The following RASSF5 variants were observed in gnomAD, a reference collection of about 807,000 sequenced individuals.
RASSF5 encodes the protein ras association domain-containing protein 5.
RASSF5 carries 25 observed loss-of-function variants against 40.5 expected under a neutral mutation model. That is an observed-to-expected ratio of 0.62 (90% CI 0.45 to 0.86). The LOEUF (loss-of-function observed/expected upper bound fraction) is 0.86. Ranked by LOEUF, RASSF5 falls within the 40% of genes least tolerant of loss-of-function variation. The probability of loss-of-function intolerance (pLI) is 0.00; values close to 1 mark genes in which losing one functional copy is unlikely to be tolerated. For synonymous variants in RASSF5, 246 were observed against 252.4 expected, an observed-to-expected ratio of 0.97 and a Z score of 0.24; for missense variants, 521 against 572.8, an observed-to-expected ratio of 0.91 and a Z score of 0.92.
chr1:206,585,414 T>A (rs1669073913), intron 5 of RASSF5, 119 bp downstream of exon 5: 3 of 758,730 alleles, frequency 4.0e-6, no homozygotes, highest in Non-Finnish European at 7.0e-6. Flanking sequence ...GGAAGGTGAC[T>A]GTTGAGAGAG....
At chr1:206,523,436 T>A (rs1303378941) in intron 1 of RASSF5, among the ~76,000 whole-genome samples, 1 of 117,726 alleles carries the variant, frequency 8.5e-6, no homozygotes, top group African/African-American at 3.3e-5. Context: ...TATAATATAT[T>A]TTATATATAA....
chr1:206,560,723 C>T lies in RASSF5; in HGVS notation c.579+22430C>T, dbSNP rs1668115140. Among the ~76,000 whole-genome samples, 1 of 152,212 alleles carries T rather than the reference C, an allele frequency of 6.6e-6. No individual in the cohort carries two copies. ...GTCTCAGTAAGACCATCATAGTTAC[C>T]TCAATCTAAGGTGTTGCCTAGATGG... On this transcript the variant is annotated intron_variant, in intron 2 of 5. Transcript: ENST00000579436. This position sits in a 1 kb window ranked among gnomAD's most constrained non-coding sequence, Gnocchi z 5.1.
In RASSF5 at chr1:206,584,787, C is replaced by T. The variant is rs1260217125; in HGVS notation, c.988+103C>T. The T allele has an allele frequency of 2.4e-6, 3 of 1,275,246 alleles. No individual in the cohort carries two copies. Among genetic ancestry groups the T allele is most frequent in the East Asian group, 5.0e-5 (2 of 40,384 alleles). 79.0% of individuals were successfully genotyped at this position (1,275,246 alleles called of 1,614,324 possible). ...CCTTGGGTGGGAGCTGTGGGCTTCT[C>T]CTGAGCACCAGGGGTCCAGCTGCCC... On this transcript the variant is annotated intron_variant, in intron 4 of 5. Coordinates refer to ENST00000579436, the MANE Select transcript of RASSF5 (RefSeq NM_182663.4). The surrounding 1 kb of genome is among the most constrained non-coding windows in gnomAD (Gnocchi z 4.9).
In RASSF5 at chr1:206,584,678, G is replaced by C; in HGVS notation, c.982G>C (p.Gly328Arg). Residue 328 changes from glycine (G) to arginine (R), a missense_variant, in exon 4 of 6, where the codon GGA (glycine) becomes CGA (arginine). Transcript: ENST00000579436. This position sits in a 1 kb window ranked among gnomAD's most constrained non-coding sequence, Gnocchi z 4.9. The stretch of plus-strand genomic sequence containing the variant: ...ACTTTTTAAGCGGATACACAAGGAC[G>C]GACAAGGTAGGAGAAAGAGTGAACC... The part of the protein sequence containing the change: ...FALFKRIHKD[G>R]QVLFQKLSIA... 6.2e-7 allele frequency: 1 copy of C among 1,614,128 alleles called. No homozygotes were observed. Among genetic ancestry groups the C allele is most frequent in the Non-Finnish European group, 8.5e-7 (1 of 1,179,998 alleles).
At chr1:206,570,393 C>CA (rs1396440783) in intron 2 of RASSF5, among the ~76,000 whole-genome samples, 1 of 152,132 alleles carries the variant, frequency 6.6e-6, no homozygotes, top group African/African-American at 2.4e-5. Context: ...TGCACCCAGC[C>CA]AAAATGTACC....
rs782479631 is a variant in RASSF5, at chr1:206,583,277, T to C, written c.588T>C (p.Cys196=). 1.9e-6 allele frequency: 3 copies of C among 1,610,240 alleles called. No homozygotes were observed. In the Admixed American group the frequency reaches 5.0e-5, roughly 27 times the overall value. ...TTCTGTGTCTCTTCCAGAATGTCTG[T>C]AAACCTGTGGAGGAGACACAGCGCC... ...TLTVTFSQNV[C]KPVEETQRPP... Residue 196 remains cysteine, a synonymous_variant, in exon 3 of 6, where the codon TGT becomes TGC. Coordinates refer to ENST00000579436, the MANE Select transcript of RASSF5 (RefSeq NM_182663.4).
At position 206,552,641 on chromosome 1, in the gene RASSF5, G is replaced by GT. The variant is rs1553401174; in HGVS notation, c.579+14350dup. 6.6e-6 allele frequency among the ~76,000 whole-genome samples: 1 copy of GT among 152,196 alleles called. No individual in the cohort carries two copies. Among genetic ancestry groups the GT allele is most frequent in the African/African-American group, 2.4e-5 (1 of 41,440 alleles). On this transcript the variant is annotated intron_variant, in intron 2 of 5. Coordinates refer to ENST00000579436, the MANE Select transcript of RASSF5 (RefSeq NM_182663.4). This position sits in a 1 kb window ranked among gnomAD's most constrained non-coding sequence, Gnocchi z 4.1. ...GGAGAAAGGACAATTGTAATGGAAAGTTACAGGGGCTCTGGGTTTGAATCT... is the reference window on the plus strand; with the variant it reads ...GGAGAAAGGACAATTGTAATGGAAAGTTTACAGGGGCTCTGGGTTTGAATCT...
chr1:206,564,266 G>A (rs1244249388), intron 2 of RASSF5, among the ~76,000 whole-genome samples: 2 of 152,048 alleles, frequency 1.3e-5, no homozygotes, highest in Admixed American at 1.3e-4. Context: ...TCAGAGAGAC[G>A]ACCTCCTCCA....
intron 2 of RASSF5, among the ~76,000 whole-genome samples, chr1:206,567,881 C>T (rs1553403631): frequency 6.6e-6 from 1 of 152,110 alleles, no homozygotes; most frequent in African/African-American, 2.4e-5. Context: ...GAGGTAGGTA[C>T]ATTATTGTTG....
chr1:206,575,302 A>G (rs1028642060), intron 2 of RASSF5, among the ~76,000 whole-genome samples: 11 of 152,258 alleles, frequency 7.2e-5, no homozygotes, highest in African/African-American at 2.6e-4. Context: ...AAGCCTGGAG[A>G]TGGCTTCCTT....
At chr1:206,543,160 G>A (rs1440031886) in intron 2 of RASSF5, 1 of 149,668 alleles carries the variant, frequency 6.7e-6, no homozygotes, top group Non-Finnish European at 1.5e-5. Flanking sequence ...AGGCTACAGT[G>A]AGCTATGATC....
At chr1:206,582,096 A>C (rs533746448) in intron 2 of RASSF5, among the ~76,000 whole-genome samples, 3 of 152,164 alleles carry the variant, frequency 2.0e-5, no homozygotes, top group South Asian at 4.1e-4. Flanking sequence ...GGTTCTGACC[A>C]ACCAGTTCCC....
In RASSF5 at chr1:206,524,048, A is replaced by ATC. The variant is rs1553396703; in HGVS notation, c.458-14123_458-14122insCT. The stretch of plus-strand genomic sequence containing the variant: ...GTATACCATATATAATATATTTTAT[A>ATC]TATAATAGGTATAACATATATAATA... On this transcript the variant is annotated intron_variant, in intron 1 of 5. Coordinates refer to ENST00000579436, the MANE Select transcript of RASSF5 (RefSeq NM_182663.4). Among the ~76,000 whole-genome samples, 653 of 116,876 alleles carry ATC rather than the reference A, an allele frequency of 5.6e-3. 15 individuals carry two copies. Among genetic ancestry groups the ATC allele is most frequent in the African/African-American group, 0.02 (628 of 32,092 alleles). 76.7% of individuals were successfully genotyped at this position (116,876 alleles called of 152,430 possible).
In RASSF5 at chr1:206,586,636, G is replaced by A. The variant is rs1669125434; in HGVS notation, c.1105-190G>A. ...CTTGGTCATGAGATGCCAGCATTTG[G>A]AATTTTGTTGCTGCTATGACAGGCA... On this transcript the variant is annotated intron_variant, in intron 5 of 5. Coordinates refer to ENST00000579436, the MANE Select transcript of RASSF5 (RefSeq NM_182663.4). The A allele has an allele frequency of 4.1e-5, 24 of 583,460 alleles. No homozygotes were observed. The South Asian group carries it at 5.1e-4, about 12-fold the overall frequency. 36.1% of individuals were successfully genotyped at this position (583,460 alleles called of 1,614,324 possible).
chr1:206,528,477 T>C, intron 1 of RASSF5, among the ~76,000 whole-genome samples: 1 of 152,156 alleles, frequency 6.6e-6, no homozygotes, highest in Middle Eastern at 3.2e-3. Flanking sequence ...GATGCTATAA[T>C]GGTGGGTGTA....
intron 2 of RASSF5, among the ~76,000 whole-genome samples, chr1:206,567,482 C>T (rs1008518659): frequency 4.6e-5 from 7 of 152,092 alleles, no homozygotes; most frequent in Admixed American, 2.0e-4. Flanking sequence ...ATGGATGGAG[C>T]GGGGAGGAGC....
chr1:206,527,402 A>C (rs1553397370), intron 1 of RASSF5, among the ~76,000 whole-genome samples: 1 of 152,074 alleles, frequency 6.6e-6, no homozygotes, highest in African/African-American at 2.4e-5. Flanking sequence ...TGGAGCCTGA[A>C]CTTGGCTGAA....
intron 2 of RASSF5, among the ~76,000 whole-genome samples, chr1:206,574,517 G>A (rs1318626156): frequency 1.3e-5 from 2 of 152,100 alleles, no homozygotes; most frequent in East Asian, 1.9e-4. Flanking sequence ...ACCTCCACCC[G>A]CCACCTCTTT....
chr1:206,553,745 A>G (rs1667911612), intron 2 of RASSF5, among the ~76,000 whole-genome samples: 1 of 152,226 alleles, frequency 6.6e-6, no homozygotes, highest in African/African-American at 2.4e-5. Context: ...GCTGAAAGGA[A>G]GACGGGGGCA....
Sources: allele counts gnomAD v4.1 joint callset (sites outside exome capture counted in the v4.1 genomes callset), GRCh38; gene constraint gnomAD v4.1.1; non-coding constraint Gnocchi (gnomAD v3.1); transcripts MANE v1.5; gene names NCBI Gene and HGNC (gene_info 2026-07-23, HGNC 2026-07-21).